The following NPLOC4 variants were observed in gnomAD, a reference collection of about 807,000 sequenced individuals.
The protein encoded by NPLOC4 is nuclear protein localization protein 4 homolog.
NPLOC4 carries 18 observed loss-of-function variants against 80.6 expected under a neutral mutation model. The ratio of observed to expected loss-of-function variants is 0.22; its 90% confidence interval spans 0.15 to 0.33. The LOEUF (loss-of-function observed/expected upper bound fraction) is 0.33. Among genes scored for constraint, NPLOC4 ranks in the 10% least tolerant of loss-of-function variants. The pLI is 1.00. For synonymous variants in NPLOC4, 313 were observed against 301.5 expected (o/e 1.04, Z -0.39); for missense variants, 540 against 786.1 (o/e 0.69, Z 3.74).
intron 2 of NPLOC4, 63 bp from the exon 3 acceptor site, chr17:81,622,341 A>G (rs2035692016): frequency 6.3e-6 from 7 of 1,110,206 alleles, no homozygotes; most frequent in Non-Finnish European, 9.6e-6. Context: ...CACATACCAT[A>G]CACACCAGAC....
chr17:81,573,703 A>G (rs990362722), intron 12 of NPLOC4: 1 of 152,202 alleles, frequency 6.6e-6, no homozygotes, highest in African/African-American at 2.4e-5. Context: ...AGAGCTGCCA[A>G]CAAGAACTTG....
intron 5 of NPLOC4, among the ~76,000 whole-genome samples, chr17:81,609,704 T>C (rs1289519961): frequency 2.6e-5 from 4 of 152,134 alleles, no homozygotes; most frequent in East Asian, 1.9e-4. Flanking sequence ...TTCAGGAAAA[T>C]TGTGCAAAAA....
In NPLOC4 at chr17:81,630,179, G is replaced by GA. The variant is rs200318542; in HGVS notation, c.16-375dup. Reference sequence around the variant, plus strand: ...TCTTTAAAAAAGATGTTACTTTGGGGAAAAAAAAAAAAAAAAGATGTTACT... The same window carrying GA: ...TCTTTAAAAAAGATGTTACTTTGGGGAAAAAAAAAAAAAAAAAGATGTTACT... On this transcript the variant is annotated intron_variant, in intron 1 of 16. Coordinates refer to ENST00000331134, the MANE Select transcript of NPLOC4 (RefSeq NM_017921.4). 4.2e-3 allele frequency among the ~76,000 whole-genome samples: 540 copies of GA among 127,108 alleles called. 2 individuals are homozygous for GA. Among genetic ancestry groups the GA allele is most frequent in the African/African-American group, 8.9e-3 (308 of 34,494 alleles). The allele number at this position is 127,108 out of a possible 152,430, so 83.4% of individuals were successfully genotyped here.
chr17:81,585,052 C>A (rs993278528), intron 12 of NPLOC4, among the ~76,000 whole-genome samples: 1 of 151,142 alleles, frequency 6.6e-6, no homozygotes, highest in African/African-American at 2.4e-5. Flanking sequence ...CGCCTGTAGT[C>A]CTGGCTACTC....
intron 2 of NPLOC4, among the ~76,000 whole-genome samples, chr17:81,629,402 C>T (rs1372597034): frequency 6.6e-6 from 1 of 151,830 alleles, no homozygotes; most frequent in East Asian, 1.9e-4. Flanking sequence ...CTTGGCCAGG[C>T]TGGTCTTGAA....
rs760690967 is a variant in NPLOC4, at chr17:81,565,988, G to A, written c.1567-381C>T. 2.6e-5 allele frequency among the ~76,000 whole-genome samples: 4 copies of A among 152,122 alleles called. No homozygotes were observed. The South Asian group carries it at 8.3e-4, about 32-fold the overall frequency. On this transcript the variant is annotated intron_variant, in intron 15 of 16. Coordinates refer to ENST00000331134, the MANE Select transcript of NPLOC4 (RefSeq NM_017921.4). The stretch of plus-strand genomic sequence containing the variant: ...TCCCTCTGCCTCTTTCTCCTCTCGT[G>A]TCTGGAAAAATGCACTCTCTATCCT...
chr17:81,627,707 G>A (rs1200024060), intron 2 of NPLOC4, among the ~76,000 whole-genome samples: 1 of 152,132 alleles, frequency 6.6e-6, no homozygotes, highest in African/African-American at 2.4e-5. Flanking sequence ...GGCAGAGGCT[G>A]CAATGAGCCA....
At chr17:81,632,329 T>C (rs1462136862) in intron 1 of NPLOC4, among the ~76,000 whole-genome samples, 1 of 87,320 alleles carries the variant, frequency 1.1e-5, no homozygotes, top group Non-Finnish European at 2.5e-5. Context: ...TTTTTATTTC[T>C]TTTTTTTTTT....
In NPLOC4 at chr17:81,559,306, G is replaced by A; in HGVS notation, c.1780C>T (p.Gln594Ter). ...WACQHCTFMN[Q>*]PGTGHCEMCS... is the part of the protein sequence containing the mutation. The stretch of plus-strand genomic sequence containing the variant: ...ATCTCGCAGTGGCCTGTGCCTGGCT[G>A]GTTCATGAACGTGCAGTGCTGACAG... The change falls in exon 17 of 17, where the codon CAG (glutamine) becomes TAG (stop). Residue 594 changes from glutamine to a stop codon, truncating the protein, a stop_gained. Transcript: ENST00000331134. LOFTEE classifies it high-confidence loss of function. 1 of 1,606,714 alleles carries A rather than the reference G, an allele frequency of 6.2e-7. No individual in the cohort carries two copies. Among genetic ancestry groups the A allele is most frequent in the Non-Finnish European group, 8.5e-7 (1 of 1,177,052 alleles).
intron 14 of NPLOC4, among the ~76,000 whole-genome samples, chr17:81,568,529 A>C (rs1177257201): frequency 1.3e-5 from 2 of 152,058 alleles, no homozygotes; most frequent in African/African-American, 4.8e-5. Context: ...CTGTCTACAC[A>C]GTATGCAGGC....
At chr17:81,603,282 T>A (rs924952365) in intron 8 of NPLOC4, among the ~76,000 whole-genome samples, 1 of 152,238 alleles carries the variant, frequency 6.6e-6, no homozygotes, top group African/African-American at 2.4e-5. Flanking sequence ...TGTGCACTTT[T>A]TTTTTCTTTT....
chr17:81,602,146 G>A (rs1598654556), intron 8 of NPLOC4, among the ~76,000 whole-genome samples: 1 of 152,262 alleles, frequency 6.6e-6, no homozygotes, highest in East Asian at 1.9e-4. Context: ...CAGGCTCAGT[G>A]GCATACACCG....
chr17:81,587,175 C>T (rs1448594143), intron 12 of NPLOC4, among the ~76,000 whole-genome samples: 1 of 152,184 alleles, frequency 6.6e-6, no homozygotes, highest in Non-Finnish European at 1.5e-5. Context: ...TATATAAGAA[C>T]ATTAAAAGTT....
In NPLOC4 at chr17:81,619,566, AAAG is replaced by A. The variant is rs1441473092; in HGVS notation, c.209+2597_209+2599del. ...ACTCTGTCTCAAGAAAAAAAAAAAA[AAAG>A]AAAGAAAAGAAAAGAAAAAAGGCGG... On this transcript the variant is annotated intron_variant, in intron 3 of 16. Transcript: ENST00000331134. Among the ~76,000 whole-genome samples the A allele has an allele frequency of 1.0e-4, 15 of 149,722 alleles. No individual in the cohort carries two copies. The East Asian group carries it at 1.2e-3, about 12-fold the overall frequency.
intron 2 of NPLOC4, among the ~76,000 whole-genome samples, chr17:81,627,609 T>C (rs1598690682): frequency 6.6e-6 from 1 of 150,734 alleles, no homozygotes; most frequent in South Asian, 2.1e-4. Flanking sequence ...CTTGGTGGCG[T>C]ATGCCTGTAA....
In NPLOC4 at chr17:81,567,402, C is replaced by T. The variant is rs144478241; in HGVS notation, c.1566+15G>A. The T allele has an allele frequency of 1.3e-4, 201 of 1,539,594 alleles. 1 individual carries two copies. The African/African-American group carries it at 2.5e-3, about 20-fold the overall frequency. On this transcript the variant is annotated intron_variant, in intron 15 of 16. Transcript: ENST00000331134. The surrounding 1 kb of genome is among the most constrained non-coding windows in gnomAD (Gnocchi z 4.5). Reference sequence around the variant, plus strand: ...AGCCCACTTGCTCAAGTGGACACCACACTTGGACACGCACCTGCAGAGGCA... The same window carrying T: ...AGCCCACTTGCTCAAGTGGACACCATACTTGGACACGCACCTGCAGAGGCA...
rs147254884 is a variant in NPLOC4, at chr17:81,580,118, G to A, written c.1282-8030C>T. Among the ~76,000 whole-genome samples, 203 of 152,226 alleles carry A rather than the reference G, an allele frequency of 1.3e-3. No individual in the cohort carries two copies. Among genetic ancestry groups the A allele is most frequent in the African/African-American group, 4.7e-3 (194 of 41,534 alleles). On this transcript the variant is annotated intron_variant, in intron 12 of 16. Transcript: ENST00000331134. This position sits in a 1 kb window ranked among gnomAD's most constrained non-coding sequence, Gnocchi z 4.4. ...TCTCCACCTCATTCCCCCAAGGTGGGGTTCTCCTCAGCCATCCCCTCCAGG... is the reference window on the plus strand; with the variant it reads ...TCTCCACCTCATTCCCCCAAGGTGGAGTTCTCCTCAGCCATCCCCTCCAGG...
At chr17:81,585,676 A>AGGGGG (rs2034564375) in intron 12 of NPLOC4, among the ~76,000 whole-genome samples, 2 of 121,868 alleles carry the variant, frequency 1.6e-5, no homozygotes, top group Admixed American at 9.5e-5. Context: ...GGGGGGGGAA[A>AGGGGG]GAAAGAAATC....
rs568379613 is a variant in NPLOC4 at position 81,560,246 on chromosome 17, G to C, written c.1670-830C>G. Among the ~76,000 whole-genome samples, 337 of 150,648 alleles carry C rather than the reference G, an allele frequency of 2.2e-3. 5 individuals carry two copies. The highest frequency in any genetic ancestry group is 8.0e-3 in the African/African-American group (329 of 40,982). On this transcript the variant is annotated intron_variant, in intron 16 of 16. Transcript: ENST00000331134. ...CAGCCTGGCCAACATGGCGAAACCC[G>C]GTCTCTACTAAAAATAATTAGCCAG...
Sources: allele counts gnomAD v4.1 joint callset (sites outside exome capture counted in the v4.1 genomes callset), GRCh38; gene constraint gnomAD v4.1.1; non-coding constraint Gnocchi (gnomAD v3.1); transcripts MANE v1.5; gene names NCBI Gene and HGNC (gene_info 2026-07-23, HGNC 2026-07-21).